DNAH10: variants seen among roughly 807,000 people sequenced by gnomAD.
The protein encoded by DNAH10 is dynein axonemal heavy chain 10.
Under a neutral mutation model 506.6 loss-of-function variants are expected in DNAH10, and 348 were observed. The observed-to-expected ratio is 0.69, with a 90% confidence interval of 0.63 to 0.75. The LOEUF is 0.75. DNAH10 is among the 30% of genes least tolerant of loss of function. The probability of loss-of-function intolerance (pLI) is 0.00; values close to 1 mark genes in which losing one functional copy is unlikely to be tolerated. For missense variants in DNAH10, 5,179 were observed against 5,787.1 expected (o/e 0.89, Z 3.41); for synonymous variants, 2,059 against 2,198.6 (o/e 0.94, Z 1.78).
In DNAH10 at chr12:123,879,660, T is replaced by C. The variant is rs767582774; in HGVS notation, c.8493T>C (p.Val2831=). The change falls in exon 50 of 79, where the codon GTT becomes GTC. Residue 2831 remains valine, a synonymous_variant. Transcript: ENST00000673944. ...TACAACAGCACATAGGCAGCTTGGT[T>C]GTGGAACATTTTAAAGATGACGTGG... ...QLVQQHIGSL[V]VEHFKDDVEV... 54 of 1,613,910 alleles carry C rather than the reference T, an allele frequency of 3.3e-5. No individual in the cohort carries two copies. The highest frequency in any genetic ancestry group is 4.6e-5 in the Non-Finnish European group (54 of 1,179,892).
intron 27 of DNAH10, among the ~76,000 whole-genome samples, 191 bp from the exon 28 acceptor site, chr12:123,835,215 T>A (rs867401594): frequency 5.3e-5 from 8 of 152,358 alleles, no homozygotes; most frequent in East Asian, 3.9e-4. Context: ...TTAGTTATGC[T>A]TTCCCCAGCA....
chr12:123,845,690 A>C lies in DNAH10; in HGVS notation c.5451A>C (p.Lys1817Asn). The C allele has an allele frequency of 1.2e-6, 2 of 1,613,912 alleles. No individual in the cohort carries two copies. Among genetic ancestry groups the C allele is most frequent in the Non-Finnish European group, 1.7e-6 (2 of 1,179,874 alleles). The stretch of plus-strand genomic sequence containing the variant: ...GGGAGGTGGAAGACGTCTTCCACAA[A>C]GCGCAAAAAGGGGAGAAGCAGGCCA... ...WTWEVEDVFH[K>N]AQKGEKQAMK... The change falls in exon 31 of 79, where the codon AAA becomes AAC. Residue 1817 changes from lysine (K) to asparagine (N), a missense_variant. By Grantham distance (94) the Lys-to-Asn change is moderately conservative. This residue lies in a region of DNAH10 where 4,844 missense variants were observed against 5,430.5 expected (regional missense o/e 0.89). Transcript: ENST00000673944.
At chr12:123,851,867 G>A (rs1951190202) in intron 35 of DNAH10, among the ~76,000 whole-genome samples, 1 of 152,074 alleles carries the variant, frequency 6.6e-6, no homozygotes, top group Non-Finnish European at 1.5e-5. Flanking sequence ...TCAAACTCCT[G>A]GGCTCAAGTG....
chr12:123,803,897 T>C, intron 17 of DNAH10, 72 bp downstream of exon 17: 1 of 1,385,306 alleles, frequency 7.2e-7, no homozygotes, highest in Non-Finnish European at 9.9e-7. Context: ...TACATGTGTA[T>C]ATATGTACCT....
chr12:123,879,943 C>T lies in DNAH10; in HGVS notation c.8634+142C>T, dbSNP rs971784490. On this transcript the variant is annotated intron_variant, in intron 50 of 78. Transcript: ENST00000673944. Reference sequence around the variant, plus strand: ...TTGAAATACGGGCTTGTGTCTGGTCCGGTGGTTCCCACATCCAGCATGCTT... The same window carrying T: ...TTGAAATACGGGCTTGTGTCTGGTCTGGTGGTTCCCACATCCAGCATGCTT... 138 of 1,009,028 alleles carry T rather than the reference C, an allele frequency of 1.4e-4. No individual in the cohort carries two copies. The Middle Eastern group carries it at 3.0e-3, about 22-fold the overall frequency. The allele number at this position is 1,009,028 out of a possible 1,614,324, so 62.5% of individuals were successfully genotyped here.
Position 123,857,230 on chromosome 12 carries a change from G to C in DNAH10, c.6613G>C (p.Ala2205Pro), listed in dbSNP as rs751654257. The C allele has an allele frequency of 2.5e-6, 4 of 1,577,730 alleles. No individual in the cohort carries two copies. In the South Asian group the frequency reaches 4.7e-5, roughly 18 times the overall value. Residue 2205 changes from alanine to proline, a missense_variant, in exon 37 of 79, where the codon GCG (alanine) becomes CCG (proline). Transcript: ENST00000673944. ...VEQVLEENGY[A>P]VLPIQVDKVV... ...GCAGGTCCTGGAGGAGAACGGCTAC[G>C]CGGTCCTACCCATCCAGGTAAAGCC... is the stretch of plus-strand genomic sequence containing the variant.
At position 123,813,762 on chromosome 12, in the gene DNAH10, C is replaced by CAA. The variant is rs1369745347; in HGVS notation, c.3634_3635dup (p.Asn1212LysfsTer28). 6.2e-7 allele frequency: 1 copy of CAA among 1,613,004 alleles called. No homozygotes were observed. Among genetic ancestry groups the CAA allele is most frequent in the Admixed American group, 1.7e-5 (1 of 59,680 alleles). ...TGTACTTTCTGTTATAGCACCTGGC[C>CAA]AAAAACCTTAGGAAGATCCCCAATA... On this transcript the variant is annotated frameshift_variant, in exon 21 of 79. Coordinates refer to ENST00000673944, the MANE Select transcript of DNAH10 (RefSeq NM_001372106.1). LOFTEE classifies it high-confidence loss of function.
At chr12:123,831,476 C>T (rs1174839385) in intron 26 of DNAH10, among the ~76,000 whole-genome samples, 1 of 152,228 alleles carries the variant, frequency 6.6e-6, no homozygotes, top group African/African-American at 2.4e-5. Flanking sequence ...GGGATGACTA[C>T]TGCACACCTA....
At chr12:123,818,433 G>C (rs1000966712) in intron 21 of DNAH10, among the ~76,000 whole-genome samples, 1 of 151,802 alleles carries the variant, frequency 6.6e-6, no homozygotes, top group Non-Finnish European at 1.5e-5. Context: ...AAGCGATTCT[G>C]CCACCTCAGC....
Position 123,848,872 on chromosome 12 carries a change from C to G in DNAH10, c.6092C>G (p.Thr2031Ser), listed in dbSNP as rs1359357081. 1 of 1,613,680 alleles carries G rather than the reference C, an allele frequency of 6.2e-7. No homozygotes were observed. Among genetic ancestry groups the G allele is most frequent in the East Asian group, 2.2e-5 (1 of 44,890 alleles). The stretch of plus-strand genomic sequence containing the variant: ...CGAAATGCTCTGATCCATCAGTTAA[C>G]CACGTTCCAGGTGAGACACATGAAG... Reference protein sequence around the residue: ...TIRNALIHQLTTFQFEGQEIS... With the variant: ...TIRNALIHQLSTFQFEGQEIS... The change falls in exon 34 of 79, where the codon ACC (threonine) becomes AGC (serine). Residue 2031 changes from threonine to serine, a missense_variant. Around this residue, in one of 3 missense-constraint regions of DNAH10, gnomAD observed 4,844 missense variants for 5,430.5 expected, o/e 0.89. Transcript: ENST00000673944.
intron 49 of DNAH10, 73 bp from the exon 50 acceptor site, chr12:123,879,561 C>A: frequency 6.3e-7 from 1 of 1,587,658 alleles, no homozygotes; most frequent in Admixed American, 1.7e-5. Context: ...TAGTACGTAT[C>A]CTCTGCTCCT....
At chr12:123,795,437 G>A (rs1362483927) in intron 12 of DNAH10, among the ~76,000 whole-genome samples, 1 of 152,116 alleles carries the variant, frequency 6.6e-6, no homozygotes, top group African/African-American at 2.4e-5. Context: ...GGAGTCTCTA[G>A]GGATGATTCA....
intron 19 of DNAH10, among the ~76,000 whole-genome samples, chr12:123,811,692 T>G (rs1050126464): frequency 2.0e-5 from 3 of 151,796 alleles, no homozygotes; most frequent in African/African-American, 7.3e-5. Flanking sequence ...TTTAGTGGAG[T>G]TGGGGTTTCA....
intron 36 of DNAH10, among the ~76,000 whole-genome samples, chr12:123,855,645 A>AT (rs1951354441): frequency 2.0e-5 from 3 of 150,110 alleles, no homozygotes; most frequent in Admixed American, 6.6e-5. Context: ...AAAAAAAAAA[A>AT]AAAATAATAA....
intron 78 of DNAH10, chr12:123,935,098 C>T (rs938530160): frequency 1.7e-6 from 1 of 599,226 alleles, no homozygotes; most frequent in Non-Finnish European, 2.9e-6. Flanking sequence ...CTGGTGTGGA[C>T]AGCAGATGTC....
rs143052054 is a variant in DNAH10, at chr12:123,804,876, C to T, written c.2823C>T (p.Ser941=). 9 of 1,612,896 alleles carry T rather than the reference C, an allele frequency of 5.6e-6. No homozygotes were observed. The highest frequency in any genetic ancestry group is 1.7e-5 in the Admixed American group (1 of 59,998). ...AACACATTGAGCGAGAAAGGGCCAG[C>T]GACGTGGACCACATGGTCCGGTGGT... ...FFEHIERERA[S]DVDHMVRWYL... The change falls in exon 18 of 79, where the codon AGC becomes AGT. Residue 941 remains serine (S), a synonymous_variant. Transcript: ENST00000673944.
chr12:123,790,082 C>T lies in DNAH10; in HGVS notation c.1776C>T (p.Phe592=). 1.2e-6 allele frequency: 2 copies of T among 1,614,160 alleles called. No homozygotes were observed. The highest frequency in any genetic ancestry group is 1.7e-6 in the Non-Finnish European group (2 of 1,180,042). The change falls in exon 11 of 79, where the codon TTC becomes TTT. Residue 592 remains phenylalanine, a synonymous_variant. Transcript: ENST00000673944. ...FDPFSIKSSQ[F]WKYVMDEFKI... ...CCTTCAGCATCAAGTCCTCCCAGTTCTGGAAATATGTGATGGATGAATTCA... is the reference window on the plus strand; with the variant it reads ...CCTTCAGCATCAAGTCCTCCCAGTTTTGGAAATATGTGATGGATGAATTCA...
intron 39 of DNAH10, 103 bp from the exon 40 acceptor site, chr12:123,864,492 A>G: frequency 6.8e-7 from 1 of 1,475,254 alleles, no homozygotes; most frequent in South Asian, 1.4e-5. Flanking sequence ...CTGGGTAGAA[A>G]ACCCTGGGAA....
Position 123,903,884 on chromosome 12 carries a change from C to G in DNAH10, c.9815+771C>G, listed in dbSNP as rs547338995. On this transcript the variant is annotated intron_variant, in intron 57 of 78. Transcript: ENST00000673944. The surrounding 1 kb of genome is among the most constrained non-coding windows in gnomAD (Gnocchi z 4.6). ...GGAGCCTCAGCTCTCTCCTTCCCCA[C>G]TCTTCATCCAGAAGGAGATCAGTCT... Among the ~76,000 whole-genome samples the G allele has an allele frequency of 1.3e-5, 2 of 152,206 alleles. No homozygotes were observed. Among genetic ancestry groups the G allele is most frequent in the East Asian group, 3.9e-4 (2 of 5,184 alleles).
Sources: gnomAD v4.1 joint callset for allele counts (sites outside exome capture counted in the v4.1 genomes callset) on GRCh38, gnomAD v4.1.1 for gene constraint, gnomAD v4.1.1 regional missense constraint, Gnocchi (gnomAD v3.1) non-coding constraint, MANE v1.5 for transcripts, NCBI Gene and HGNC (gene_info 2026-07-23, HGNC 2026-07-21) for gene names.